The following FRMD4A variants were observed in gnomAD, a reference collection of about 807,000 sequenced individuals.
The protein encoded by FRMD4A is FERM domain containing 4A.
In FRMD4A, 29 loss-of-function variants were observed where a neutral mutation model predicts 129.1. The ratio of observed to expected loss-of-function variants is 0.22; its 90% CI spans 0.17 to 0.31. The LOEUF (loss-of-function observed/expected upper bound fraction) is 0.31, where lower values mean the gene tolerates loss of function less well. Ranked by LOEUF, FRMD4A falls within the 10% of genes least tolerant of loss-of-function variation. FRMD4A has a pLI of 1.00. For synonymous variants in FRMD4A, 634 were observed against 571.6 expected (o/e 1.11, Z -1.56); for missense variants, 1,272 against 1,375.8 (o/e 0.92, Z 1.19).
intron 2 of FRMD4A, among the ~76,000 whole-genome samples, chr10:14,000,768 C>A (rs2095640016): frequency 6.6e-6 from 1 of 151,436 alleles, no homozygotes; most frequent in Admixed American, 6.6e-5. Flanking sequence ...GGGACTTTGT[C>A]CATGCACCAG....
At chr10:14,233,735 C>T (rs545089936) in intron 2 of FRMD4A, among the ~76,000 whole-genome samples, 9 of 152,318 alleles carry the variant, frequency 5.9e-5, no homozygotes, top group Middle Eastern at 3.4e-3. Flanking sequence ...CAAAAGAATG[C>T]GCTCAGCACA....
At chr10:13,694,378 T>C (rs74629892) in intron 14 of FRMD4A, among the ~76,000 whole-genome samples, 1,625 of 152,310 alleles carry the variant, frequency 0.011, 17 homozygotes, top group Middle Eastern at 0.027. Context: ...ACAGGGTAGA[T>C]GCCACTCACC....
chr10:14,193,330 TG>T (rs1842373539), intron 2 of FRMD4A, among the ~76,000 whole-genome samples: 1 of 152,224 alleles, frequency 6.6e-6, no homozygotes, highest in Middle Eastern at 3.2e-3. Flanking sequence ...GAGCCTTTGC[TG>T]ATATTTTTAC....
chr10:13,730,885 A>G (rs548187033), intron 12 of FRMD4A, among the ~76,000 whole-genome samples: 86 of 139,992 alleles, frequency 6.1e-4, no homozygotes, highest in African/African-American at 2.3e-3. Flanking sequence ...AAAATTAGCC[A>G]GGCATGGTGA....
At chr10:14,185,306 AG>A (rs1451687711) in intron 2 of FRMD4A, among the ~76,000 whole-genome samples, 1 of 152,204 alleles carries the variant, frequency 6.6e-6, no homozygotes, top group East Asian at 1.9e-4. Context: ...AAGGATGTAG[AG>A]ATAGAGTCTT....
At chr10:13,893,625 G>T (rs1430710894) in intron 2 of FRMD4A, among the ~76,000 whole-genome samples, 1 of 152,012 alleles carries the variant, frequency 6.6e-6, no homozygotes, top group Non-Finnish European at 1.5e-5. Flanking sequence ...GGGTTCAAGC[G>T]ATTCTTCTGC....
chr10:14,113,950 C>T (rs941939665), intron 2 of FRMD4A, among the ~76,000 whole-genome samples: 1 of 152,198 alleles, frequency 6.6e-6, no homozygotes, highest in African/African-American at 2.4e-5. Context: ...ACCCCCAGCC[C>T]ATCCTATCGC....
At chr10:13,875,214 A>G (rs2094476569) in intron 2 of FRMD4A, among the ~76,000 whole-genome samples, 3 of 152,206 alleles carry the variant, frequency 2.0e-5, no homozygotes, top group South Asian at 2.1e-4. Context: ...GGGGGAGCTA[A>G]TCGTCTGAGT....
chr10:13,868,673 C>A lies in FRMD4A; in HGVS notation c.46-9761G>T, dbSNP rs529530468. 6.8e-4 allele frequency among the ~76,000 whole-genome samples: 104 copies of A among 152,206 alleles called. 1 individual carries two copies. Among genetic ancestry groups the A allele is most frequent in the Admixed American group, 6.8e-3 (104 of 15,286 alleles). Reference sequence around the variant, plus strand: ...AATTAGCAGGGCATGGCGGTGTGTGCCTATAGTCCCAGCTACTCGGGAGGC... The same window carrying A: ...AATTAGCAGGGCATGGCGGTGTGTGACTATAGTCCCAGCTACTCGGGAGGC... On this transcript the variant is annotated intron_variant, in intron 2 of 24. Transcript: ENST00000357447.
At chr10:14,183,280 G>C (rs563802650) in intron 2 of FRMD4A, among the ~76,000 whole-genome samples, 1 of 152,264 alleles carries the variant, frequency 6.6e-6, no homozygotes, top group East Asian at 1.9e-4. Context: ...TATCATTAGT[G>C]GTGTCTTGGA....
chr10:13,975,592 G>A (rs1393140051), intron 2 of FRMD4A, among the ~76,000 whole-genome samples: 1 of 151,536 alleles, frequency 6.6e-6, no homozygotes, highest in Non-Finnish European at 1.5e-5. Flanking sequence ...GAATCTCTGT[G>A]TGTGTCTGTC....
chr10:13,819,753 T>C (rs2093601852), intron 3 of FRMD4A, among the ~76,000 whole-genome samples: 1 of 148,362 alleles, frequency 6.7e-6, no homozygotes, highest in Non-Finnish European at 1.5e-5. Context: ...TGGAGTACAG[T>C]GGCACGATCT....
chr10:13,898,868 G>A (rs1289575121), intron 2 of FRMD4A, among the ~76,000 whole-genome samples: 1 of 152,108 alleles, frequency 6.6e-6, no homozygotes, highest in Non-Finnish European at 1.5e-5. Context: ...GCCTCTTATT[G>A]AAGCTGTTTC....
At chr10:13,849,835 T>A (rs2094116377) in intron 3 of FRMD4A, among the ~76,000 whole-genome samples, 1 of 151,784 alleles carries the variant, frequency 6.6e-6, no homozygotes, top group Admixed American at 6.6e-5. Context: ...GGCTGGGCTA[T>A]GAGGGTGAAT....
chr10:14,314,685 ATC>A (rs775621149), intron 2 of FRMD4A, among the ~76,000 whole-genome samples: 10 of 152,110 alleles, frequency 6.6e-5, no homozygotes, highest in Non-Finnish European at 1.3e-4. Flanking sequence ...TCATGTTGCA[ATC>A]TCTCTGAGCT....
intron 2 of FRMD4A, among the ~76,000 whole-genome samples, chr10:14,158,653 G>A (rs920715234): frequency 3.3e-5 from 5 of 151,388 alleles, no homozygotes; most frequent in African/African-American, 1.2e-4. Context: ...AGAAGGAGGA[G>A]GAGAAGGGGG....
intron 2 of FRMD4A, among the ~76,000 whole-genome samples, chr10:13,936,317 C>T (rs2095248775): frequency 6.6e-6 from 1 of 152,174 alleles, no homozygotes; most frequent in Non-Finnish European, 1.5e-5. Context: ...TGGCTAGAGT[C>T]TGAGGTCCCA....
chr10:14,160,385 G>A (rs1320209880), intron 2 of FRMD4A, among the ~76,000 whole-genome samples: 1 of 152,108 alleles, frequency 6.6e-6, no homozygotes, highest in African/African-American at 2.4e-5. Context: ...CTCGGCAAAG[G>A]TTTTATGGCT....
At chr10:14,039,394 C>T (rs1296635910) in intron 2 of FRMD4A, among the ~76,000 whole-genome samples, 1 of 146,708 alleles carries the variant, frequency 6.8e-6, no homozygotes, top group Non-Finnish European at 1.5e-5. Context: ...ATCCATCCAT[C>T]CATCCATCCA....
Sources: allele counts gnomAD v4.1 joint callset (sites outside exome capture counted in the v4.1 genomes callset), GRCh38; gene constraint gnomAD v4.1.1; transcripts MANE v1.5; gene names NCBI Gene and HGNC (gene_info 2026-07-23, HGNC 2026-07-21).